Variants in COLEC10 observed in about 807,000 individuals in gnomAD.
The protein encoded by COLEC10 is collectin subfamily member 10, also known as collectin-10.
COLEC10 carries 22 observed loss-of-function variants against 28.4 expected under a neutral mutation model. The observed-to-expected ratio is 0.78, with a 90% confidence interval of 0.55 to 1.11. The LOEUF (loss-of-function observed/expected upper bound fraction) is 1.11, where lower values mean the gene tolerates loss of function less well. Ranked by LOEUF, COLEC10 falls within the 50% of genes least tolerant of loss-of-function variation. The pLI is 0.00. For missense variants in COLEC10, 361 were observed against 344.1 expected, an observed-to-expected ratio of 1.05 and a Z score of -0.39; for synonymous variants, 125 against 116.1, an observed-to-expected ratio of 1.08 and a Z score of -0.49.
At chr8:119,093,677 CT>C (rs959454546) in intron 3 of COLEC10, among the ~76,000 whole-genome samples, 1 of 152,214 alleles carries the variant, frequency 6.6e-6, no homozygotes, top group African/African-American at 2.4e-5. Context: ...TACTACTCCC[CT>C]AACAAGGCTT....
At chr8:118,969,772 T>G in the COLEC10 span, among the ~76,000 whole-genome samples, 1 of 151,910 alleles carries the variant, frequency 6.6e-6, no homozygotes, top group East Asian at 1.9e-4. Context: ...GTTTCTGTAT[T>G]TATTACACGC....
At chr8:119,087,296 GAA>G (rs1166886295) in intron 1 of COLEC10, among the ~76,000 whole-genome samples, 1 of 152,116 alleles carries the variant, frequency 6.6e-6, no homozygotes, top group Non-Finnish European at 1.5e-5. Flanking sequence ...GAGATAAGTG[GAA>G]ATACACCGAC....
chr8:119,036,460 A>G (rs975821010), intron 2 of COLEC10, among the ~76,000 whole-genome samples: 1 of 152,174 alleles, frequency 6.6e-6, no homozygotes, highest in African/African-American at 2.4e-5. Context: ...AATTATTGTT[A>G]TGCAATTGCC....
chr8:119,056,114 C>T (rs1814757532), intron 2 of COLEC10, among the ~76,000 whole-genome samples: 1 of 152,018 alleles, frequency 6.6e-6, no homozygotes. Flanking sequence ...TCTTTACCCT[C>T]AATTTCCAAA....
intron 2 of COLEC10, among the ~76,000 whole-genome samples, chr8:119,059,984 A>T (rs1386625928): frequency 6.6e-6 from 1 of 152,126 alleles, no homozygotes; most frequent in Non-Finnish European, 1.5e-5. Context: ...GTCATGGCTG[A>T]AACTTCCTTT....
chr8:119,093,075 C>CA (rs1267234577), intron 3 of COLEC10, among the ~76,000 whole-genome samples: 1 of 152,150 alleles, frequency 6.6e-6, no homozygotes, highest in African/African-American at 2.4e-5. Context: ...GATGCTTGTA[C>CA]AAAAAAGATT....
upstream of COLEC10, among the ~76,000 whole-genome samples, chr8:118,994,453 T>C (rs989856325): frequency 6.6e-6 from 1 of 152,230 alleles, no homozygotes; most frequent in African/African-American, 2.4e-5. Flanking sequence ...AAGTAAATAA[T>C]ACTAATAGTG....
intron 2 of COLEC10, among the ~76,000 whole-genome samples, chr8:119,029,228 C>T (rs958370447): frequency 2.6e-5 from 4 of 152,036 alleles, no homozygotes; most frequent in Non-Finnish European, 5.9e-5. Flanking sequence ...TTAATTAGTG[C>T]GGGAGTAACA....
intron 2 of COLEC10, among the ~76,000 whole-genome samples, chr8:119,026,592 A>C (rs1333442802): frequency 6.6e-6 from 1 of 152,138 alleles, no homozygotes; most frequent in Admixed American, 6.5e-5. Context: ...TTCAAATGGT[A>C]GCTCTGCCAT....
At chr8:119,101,789 A>G (rs1815832690) in intron 3 of COLEC10, among the ~76,000 whole-genome samples, 1 of 152,138 alleles carries the variant, frequency 6.6e-6, no homozygotes, top group Non-Finnish European at 1.5e-5. Flanking sequence ...AGCACAATAC[A>G]TGTGTTTTTT....
rs1815967868 is a variant in COLEC10, at chr8:119,107,291, C to A, written c.*1100C>A. On this transcript the variant is annotated 3_prime_UTR_variant, in exon 6 of 6. Transcript: ENST00000332843. Reference sequence around the variant, plus strand: ...TGTCCCTTCTAATACTCTGGCATCACAGAAATGTGTGAGGCACAGAATTCG... The same window carrying A: ...TGTCCCTTCTAATACTCTGGCATCAAAGAAATGTGTGAGGCACAGAATTCG... 6.6e-6 allele frequency among the ~76,000 whole-genome samples: 1 copy of A among 152,116 alleles called. No homozygotes were observed. The highest frequency in any genetic ancestry group is 2.1e-4 in the South Asian group (1 of 4,826).
At chr8:118,985,755 G>C in the COLEC10 span, among the ~76,000 whole-genome samples, 25 of 152,216 alleles carry the variant, frequency 1.6e-4, no homozygotes, top group East Asian at 4.6e-3. Flanking sequence ...CCTGAAGGAA[G>C]AGAAACCTAG....
intron 2 of COLEC10, among the ~76,000 whole-genome samples, chr8:119,060,175 A>C (rs1814829468): frequency 6.6e-6 from 1 of 152,128 alleles, no homozygotes; most frequent in African/African-American, 2.4e-5. Flanking sequence ...AGCAGTAATA[A>C]AATTTTTAAA....
chr8:119,024,762 A>G (rs894484554), intron 2 of COLEC10, among the ~76,000 whole-genome samples: 2 of 152,130 alleles, frequency 1.3e-5, no homozygotes, highest in Non-Finnish European at 2.9e-5. Context: ...TGCCAGAAAC[A>G]TGAAGGCCTC....
intron 2 of COLEC10, among the ~76,000 whole-genome samples, chr8:119,013,367 T>C (rs1048567808): frequency 1.3e-5 from 2 of 150,680 alleles, no homozygotes; most frequent in Non-Finnish European, 3.0e-5. Context: ...GTAAAGTGTA[T>C]TTTATGGCAC....
the COLEC10 span, among the ~76,000 whole-genome samples, chr8:118,972,248 C>A: frequency 3.3e-5 from 5 of 151,934 alleles, no homozygotes; most frequent in Non-Finnish European, 7.4e-5. Context: ...GCCCAGGTCT[C>A]TAGAAGGAAG....
At chr8:118,954,259 T>C in the COLEC10 span, among the ~76,000 whole-genome samples, 1 of 152,238 alleles carries the variant, frequency 6.6e-6, no homozygotes, top group Non-Finnish European at 1.5e-5. Flanking sequence ...TGTGTATTGA[T>C]TGTGCATCTC....
the COLEC10 span, among the ~76,000 whole-genome samples, chr8:118,973,972 C>T: frequency 6.6e-6 from 1 of 151,916 alleles, no homozygotes; most frequent in South Asian, 2.1e-4. Flanking sequence ...CTCAAACCCA[C>T]CTGGCCCTGT....
the COLEC10 span, among the ~76,000 whole-genome samples, chr8:118,986,116 A>G: frequency 6.6e-6 from 1 of 152,194 alleles, no homozygotes; most frequent in Non-Finnish European, 1.5e-5. Context: ...GAATATCAAT[A>G]TTAATACAAT....
Sources: gnomAD v4.1 joint callset for allele counts (sites outside exome capture counted in the v4.1 genomes callset) on GRCh38, gnomAD v4.1.1 for gene constraint, MANE v1.5 for transcripts, NCBI Gene and HGNC (gene_info 2026-07-23, HGNC 2026-07-21) for gene names.